SLC14A2: variants seen among roughly 807,000 people sequenced by gnomAD.
SLC14A2 encodes the protein urea transporter 2.
A neutral mutation model predicts 104.6 loss-of-function variants in SLC14A2; 91 were observed. The ratio of observed to expected loss-of-function variants is 0.87; its 90% CI spans 0.73 to 1.04. The LOEUF (loss-of-function observed/expected upper bound fraction) is 1.04, where lower values mean the gene tolerates loss of function less well. SLC14A2 is among the 50% of genes least tolerant of loss of function. SLC14A2 has a pLI of 0.00. For synonymous variants in SLC14A2, 476 were observed against 466.4 expected, an observed-to-expected ratio of 1.02 and a Z score of -0.27; for missense variants, 1,189 against 1,156.0, an observed-to-expected ratio of 1.03 and a Z score of -0.41.
intron 1 of SLC14A2, among the ~76,000 whole-genome samples, chr18:45,415,491 A>C (rs1464531050): frequency 6.6e-6 from 1 of 152,206 alleles, no homozygotes; most frequent in Non-Finnish European, 1.5e-5. Context: ...GAACCAGGCC[A>C]TTATCATATT....
chr18:45,554,171 C>A (rs2044095493), intron 2 of SLC14A2, among the ~76,000 whole-genome samples: 1 of 152,170 alleles, frequency 6.6e-6, no homozygotes, highest in South Asian at 2.1e-4. Flanking sequence ...TTCAACATCC[C>A]CACTGGCTTC....
intron 11 of SLC14A2, among the ~76,000 whole-genome samples, chr18:45,665,726 C>CA (rs2046012293): frequency 1.1e-5 from 1 of 88,430 alleles, no homozygotes; most frequent in Non-Finnish European, 2.0e-5. Flanking sequence ...TGTTCACCTT[C>CA]AAGTTCTCCA....
intron 1 of SLC14A2, among the ~76,000 whole-genome samples, chr18:45,422,301 G>T (rs189352127): frequency 1.3e-5 from 2 of 152,334 alleles, no homozygotes; most frequent in East Asian, 3.9e-4. Context: ...CCCAATAAAG[G>T]TGTGGTCTGT....
chr18:45,426,004 T>C (rs966308876), intron 1 of SLC14A2, among the ~76,000 whole-genome samples: 7 of 151,964 alleles, frequency 4.6e-5, no homozygotes, highest in Non-Finnish European at 7.4e-5. Flanking sequence ...CTCACAACTC[T>C]CTTACATCCT....
At position 45,625,768 on chromosome 18, in the gene SLC14A2, C is replaced by T; in HGVS notation, c.236C>T (p.Ala79Val). The T allele has an allele frequency of 6.4e-7, 1 of 1,562,452 alleles. No individual in the cohort carries two copies. Reference protein sequence around the residue: ...ERSKRKDDGVAHRDSAGQRCI... With the variant: ...ERSKRKDDGVVHRDSAGQRCI... ...AGTAAAAGGAAAGACGACGGGGTGGCCCATCGGGACTCAGCAGGCCAAAGG... is the reference window on the plus strand; with the variant it reads ...AGTAAAAGGAAAGACGACGGGGTGGTCCATCGGGACTCAGCAGGCCAAAGG... Residue 79 changes from alanine (A) to valine (V), a missense_variant, in exon 3 of 20, where the codon GCC (alanine) becomes GTC (valine). Coordinates refer to ENST00000255226, the MANE Select transcript of SLC14A2 (RefSeq NM_007163.4).
rs184103624 is a variant in SLC14A2 at position 45,501,979 on chromosome 18, A to G, written c.-35+18657A>G. 1.5e-3 allele frequency among the ~76,000 whole-genome samples: 235 copies of G among 152,304 alleles called. 2 individuals carry two copies. Among genetic ancestry groups the G allele is most frequent in the East Asian group, 0.011 (59 of 5,184 alleles). ...AGAAAAGTATAAGCTCCTAGAGGTAATGGATTCTATAGTAAATGTTATTGG... is the reference window on the plus strand; with the variant it reads ...AGAAAAGTATAAGCTCCTAGAGGTAGTGGATTCTATAGTAAATGTTATTGG... On this transcript the variant is annotated intron_variant, in intron 2 of 20. Coordinates refer to the SLC14A2 transcript ENST00000586448.
intron 2 of SLC14A2, among the ~76,000 whole-genome samples, chr18:45,525,130 GACACACACAC>G (rs5824592): frequency 6.7e-6 from 1 of 149,526 alleles, no homozygotes; most frequent in African/African-American, 2.5e-5. Context: ...TTTGCATATA[GACACACACAC>G]ACACACACAC....
intron 5 of SLC14A2, among the ~76,000 whole-genome samples, chr18:45,635,103 A>G (rs1295854273): frequency 6.6e-6 from 1 of 152,236 alleles, no homozygotes; most frequent in Admixed American, 6.5e-5. Context: ...ACAAAAGACC[A>G]AGAGAAGAAC....
chr18:45,238,881 C>T (rs1361039060), intron 1 of SLC14A2, among the ~76,000 whole-genome samples: 2 of 151,914 alleles, frequency 1.3e-5, no homozygotes, highest in Non-Finnish European at 2.9e-5. Flanking sequence ...AAAATTAATA[C>T]CTAGAAGGCG....
At chr18:45,291,335 G>C (rs114187573) in intron 1 of SLC14A2, among the ~76,000 whole-genome samples, 2 of 152,002 alleles carry the variant, frequency 1.3e-5, no homozygotes, top group Non-Finnish European at 2.9e-5. Context: ...TCCCATAAAG[G>C]TTGCGTGGTA....
intron 10 of SLC14A2, chr18:45,647,915 A>T (rs2045649906): frequency 6.6e-6 from 1 of 152,134 alleles, no homozygotes; most frequent in Non-Finnish European, 1.5e-5. Flanking sequence ...GACATATAAA[A>T]TTAAATTTTA....
chr18:45,500,366 A>G (rs1256561806), intron 2 of SLC14A2, among the ~76,000 whole-genome samples: 1 of 152,118 alleles, frequency 6.6e-6, no homozygotes, highest in African/African-American at 2.4e-5. Flanking sequence ...TCACGAGGTC[A>G]GGAGATCGAG....
In SLC14A2 at chr18:45,491,992, GC is replaced by G. The variant is rs1327157886; in HGVS notation, c.-35+8671del. On this transcript the variant is annotated intron_variant, in intron 2 of 20. Transcript: ENST00000586448. ...GAAGTCCAGAAGTACGCAGTACGGG[GC>G]TAGGATGGTGGCTCTGCCACATCCC... The G allele has an allele frequency of 3.9e-5, 6 of 152,350 alleles. No homozygotes were observed. The East Asian group carries it at 1.2e-3, about 29-fold the overall frequency. 9.4% of individuals were successfully genotyped at this position (152,350 alleles called of 1,614,324 possible). A position where few individuals can be genotyped will look rare whatever the true frequency, so the allele number is the denominator to read the frequency against.
At chr18:45,229,243 G>C (rs896222134) in intron 1 of SLC14A2, among the ~76,000 whole-genome samples, 9 of 152,146 alleles carry the variant, frequency 5.9e-5, no homozygotes, top group African/African-American at 1.9e-4. Context: ...AGATGCTGGA[G>C]ATACACGCAG....
At chr18:45,188,610 C>A in the SLC14A2 span, among the ~76,000 whole-genome samples, 2 of 152,128 alleles carry the variant, frequency 1.3e-5, no homozygotes, top group African/African-American at 2.4e-5. Context: ...GGTTTCAACT[C>A]CCTGCCTGAA....
chr18:45,529,605 C>T (rs1321787923), intron 2 of SLC14A2: 1 of 152,166 alleles, frequency 6.6e-6, no homozygotes. Flanking sequence ...TTTTTCCACC[C>T]TCTGCCTTTC....
chr18:45,414,195 C>T (rs1171272919), intron 1 of SLC14A2, among the ~76,000 whole-genome samples: 5 of 152,146 alleles, frequency 3.3e-5, no homozygotes, highest in African/African-American at 9.7e-5. Flanking sequence ...GAGCTTTGAC[C>T]TGGCCAAGAG....
In SLC14A2 at chr18:45,637,198, GT is replaced by G. The variant is rs1025782273; in HGVS notation, c.843+17del. 2.5e-6 allele frequency: 4 copies of G among 1,608,374 alleles called. No homozygotes were observed. The African/African-American group carries it at 5.3e-5, about 21-fold the overall frequency. ...AATGCCCCTGGTAAGTTACCCAGCG[GT>G]GATGAGTTGAGACCCCCATATTCCA... On this transcript the variant is annotated intron_variant, in intron 6 of 19. Transcript: ENST00000255226.
chr18:45,388,982 A>C (rs1310710138), intron 1 of SLC14A2, among the ~76,000 whole-genome samples: 1 of 152,260 alleles, frequency 6.6e-6, no homozygotes, highest in African/African-American at 2.4e-5. Context: ...ATATATAAAT[A>C]TGTGCATAAA....
Sources: allele counts gnomAD v4.1 joint callset (sites outside exome capture counted in the v4.1 genomes callset), GRCh38; gene constraint gnomAD v4.1.1; transcripts MANE v1.5; gene names NCBI Gene and HGNC (gene_info 2026-07-23, HGNC 2026-07-21).